ATP11A: variants seen among roughly 807,000 people sequenced by gnomAD.
ATP11A encodes phospholipid-transporting ATPase IH.
ATP11A carries 81 observed loss-of-function variants against 154.4 expected under a neutral mutation model. The ratio of observed to expected loss-of-function variants is 0.52; its 90% CI spans 0.44 to 0.63. The LOEUF is 0.63. Ranked by LOEUF, ATP11A falls within the 30% of genes least tolerant of loss-of-function variation. The pLI, the probability that ATP11A is intolerant of heterozygous loss-of-function variation, is 0.00. For missense variants in ATP11A, 1,316 were observed against 1,474.3 expected (o/e 0.89, Z 1.76); for synonymous variants, 623 against 585.9 (o/e 1.06, Z -0.91).
At chr13:112,806,707 G>C (rs1193989840) in intron 4 of ATP11A, among the ~76,000 whole-genome samples, 3 of 151,868 alleles carry the variant, frequency 2.0e-5, no homozygotes, top group Admixed American at 2.0e-4. Context: ...AATAAGGCCA[G>C]TGACTAACAT....
chr13:112,719,304 A>T (rs1888876774), intron 1 of ATP11A, among the ~76,000 whole-genome samples: 1 of 152,256 alleles, frequency 6.6e-6, no homozygotes, highest in South Asian at 2.1e-4. Context: ...GCAAGTCAAT[A>T]TAAAAAGACT....
intron 11 of ATP11A, 142 bp downstream of exon 11, chr13:112,825,722 T>A: frequency 1.0e-6 from 1 of 1,001,672 alleles, no homozygotes; most frequent in Non-Finnish European, 1.4e-6. Flanking sequence ...ATAGATGCAT[T>A]CACTGAAATT....
At chr13:112,713,604 A>G (rs1888014380) in intron 1 of ATP11A, among the ~76,000 whole-genome samples, 1 of 152,190 alleles carries the variant, frequency 6.6e-6, no homozygotes, top group Admixed American at 6.5e-5. Context: ...AGGTCTCAGT[A>G]GGTGTCTGAT....
intron 1 of ATP11A, among the ~76,000 whole-genome samples, chr13:112,750,706 C>T (rs919617916): frequency 6.6e-6 from 1 of 152,230 alleles, no homozygotes; most frequent in African/African-American, 2.4e-5. Context: ...CTAGTGTTTA[C>T]TGCACTAGGT....
At chr13:112,833,743 C>CCATGCGTAAACCCACA (rs2079158433) in intron 14 of ATP11A, among the ~76,000 whole-genome samples, 1 of 152,214 alleles carries the variant, frequency 6.6e-6, no homozygotes, top group South Asian at 2.1e-4. Context: ...GCCCTTCGTT[C>CCATGCGTAAACCCACA]CATGCGTAAA....
At chr13:112,732,723 C>T (rs1298890587) in intron 1 of ATP11A, among the ~76,000 whole-genome samples, 4 of 152,136 alleles carry the variant, frequency 2.6e-5, no homozygotes, top group Non-Finnish European at 5.9e-5. Context: ...GCGATTCTTA[C>T]GCCTCATCCT....
intron 1 of ATP11A, among the ~76,000 whole-genome samples, chr13:112,779,907 T>TA (rs2077456487): frequency 6.7e-6 from 1 of 149,582 alleles, no homozygotes; most frequent in Non-Finnish European, 1.5e-5. Flanking sequence ...TCTGTCTCAT[T>TA]AAAAAGAAAA....
chr13:112,860,999 G>A (rs2080085445), intron 24 of ATP11A, among the ~76,000 whole-genome samples: 1 of 152,190 alleles, frequency 6.6e-6, no homozygotes, highest in Admixed American at 6.5e-5. Flanking sequence ...ATGAAGGAAG[G>A]AGGTTTAATG....
At chr13:112,712,184 A>G (rs1887835634) in intron 1 of ATP11A, among the ~76,000 whole-genome samples, 1 of 152,160 alleles carries the variant, frequency 6.6e-6, no homozygotes, top group South Asian at 2.1e-4. Flanking sequence ...AAAATAGCAC[A>G]GATGCATTTT....
At chr13:112,880,813 C>T (rs535203351) in intron 29 of ATP11A, 34 of 985,344 alleles carry the variant, frequency 3.5e-5, no homozygotes, top group Non-Finnish European at 3.7e-5. Flanking sequence ...GTAAGTAACA[C>T]GCCTGAGGGC....
At chr13:112,770,675 G>A (rs529045448) in intron 1 of ATP11A, among the ~76,000 whole-genome samples, 8 of 152,218 alleles carry the variant, frequency 5.3e-5, no homozygotes, top group Non-Finnish European at 1.2e-4. Context: ...TATTACACCC[G>A]AGCAAGGCCC....
chr13:112,753,511 G>A lies in ATP11A; in HGVS notation c.40-31624G>A, dbSNP rs144325063. ...CTACCGCTGCTGGATGAGATGCCAC[G>A]TCCTGTTGTGGTTTTATCTTGTACT... On this transcript the variant is annotated intron_variant, in intron 1 of 29. Transcript: ENST00000375645. This position sits in a 1 kb window ranked among gnomAD's most constrained non-coding sequence, Gnocchi z 4.1. Among the ~76,000 whole-genome samples the A allele has an allele frequency of 3.7e-4, 56 of 152,310 alleles. No homozygotes were observed. In the East Asian group the frequency reaches 0.01, roughly 28 times the overall value.
chr13:112,852,528 C>T (rs972058279), intron 18 of ATP11A, among the ~76,000 whole-genome samples: 1 of 152,176 alleles, frequency 6.6e-6, no homozygotes, highest in Non-Finnish European at 1.5e-5. Flanking sequence ...GGGCCACGGC[C>T]GCCGAAAGGC....
rs139198856 is a variant in ATP11A, at chr13:112,702,840, C to T, written c.39+12385C>T. Among the ~76,000 whole-genome samples, 1,088 of 152,356 alleles carry T rather than the reference C, an allele frequency of 7.1e-3. 14 individuals carry two copies. Among genetic ancestry groups the T allele is most frequent in the African/African-American group, 0.025 (1,021 of 41,590 alleles). Reference sequence around the variant, plus strand: ...GGTGTCTCAGGGCCTTGCTGTCTTCCGCCTTTTTCCCAGCGTCTCACCAGC... The same window carrying T: ...GGTGTCTCAGGGCCTTGCTGTCTTCTGCCTTTTTCCCAGCGTCTCACCAGC... On this transcript the variant is annotated intron_variant, in intron 1 of 29. Transcript: ENST00000375645.
At chr13:112,787,071 A>G in intron 2 of ATP11A, among the ~76,000 whole-genome samples, 1 of 140,018 alleles carries the variant, frequency 7.1e-6, no homozygotes, top group Admixed American at 7.2e-5. Context: ...GGGTGTCCTG[A>G]TGCGTAGACC....
chr13:112,809,939 G>A (rs1490516546), intron 4 of ATP11A, among the ~76,000 whole-genome samples: 3 of 152,120 alleles, frequency 2.0e-5, no homozygotes, highest in South Asian at 2.1e-4. Context: ...CCGTCAGCGC[G>A]GCCGGGGTCA....
intron 5 of ATP11A, among the ~76,000 whole-genome samples, chr13:112,812,682 G>A (rs564217547): frequency 5.9e-5 from 9 of 152,338 alleles, no homozygotes; most frequent in Non-Finnish European, 8.8e-5. Context: ...TATCACACAC[G>A]TCACCAAATG....
At chr13:112,763,515 G>C (rs537858533) in intron 1 of ATP11A, among the ~76,000 whole-genome samples, 1 of 152,166 alleles carries the variant, frequency 6.6e-6, no homozygotes, top group Admixed American at 6.5e-5. Flanking sequence ...CCTCACAGCT[G>C]TCTCTTGTGG....
chr13:112,828,123 G>T (rs1458057364), intron 12 of ATP11A, among the ~76,000 whole-genome samples: 2 of 139,288 alleles, frequency 1.4e-5, no homozygotes, highest in African/African-American at 5.4e-5. Context: ...GGGGGGAAGC[G>T]CCCAGCAGCG....
Sources: allele counts gnomAD v4.1 joint callset (sites outside exome capture counted in the v4.1 genomes callset), GRCh38; gene constraint gnomAD v4.1.1; non-coding constraint Gnocchi (gnomAD v3.1); transcripts MANE v1.5; gene names NCBI Gene and HGNC (gene_info 2026-07-23, HGNC 2026-07-21).